Variants in LMX1A observed in about 807,000 individuals in gnomAD.
LMX1A encodes the protein LIM homeobox transcription factor 1 alpha.
Under a neutral mutation model 49.1 loss-of-function variants are expected in LMX1A, and 15 were observed. The ratio of observed to expected loss-of-function variants is 0.31; its 90% CI spans 0.20 to 0.47. The LOEUF (loss-of-function observed/expected upper bound fraction) is 0.47, where lower values mean the gene tolerates loss of function less well. Among genes scored for constraint, LMX1A ranks in the 20% least tolerant of loss-of-function variants. The pLI, the probability that LMX1A is intolerant of heterozygous loss-of-function variation, is 1.00. For synonymous variants in LMX1A, 167 were observed against 185.7 expected (o/e 0.90, Z 0.82); for missense variants, 372 against 475.8 (o/e 0.78, Z 2.03).
At chr1:165,215,846 G>T (rs968109303) in intron 4 of LMX1A, 5 of 152,202 alleles carry the variant, frequency 3.3e-5, no homozygotes, top group Non-Finnish European at 7.3e-5. Flanking sequence ...GTTATGTCAT[G>T]TTGCTGAGCC....
chr1:165,315,688 G>T (rs1655197895), intron 3 of LMX1A, among the ~76,000 whole-genome samples: 1 of 152,054 alleles, frequency 6.6e-6, no homozygotes, highest in African/African-American at 2.4e-5. Context: ...TTGAGATCTG[G>T]CCCCCTCTAC....
intron 3 of LMX1A, among the ~76,000 whole-genome samples, chr1:165,275,521 T>C (rs1053935872): frequency 3.3e-5 from 5 of 152,342 alleles, no homozygotes; most frequent in African/African-American, 9.6e-5. Context: ...CCAATATTCA[T>C]AGACCCTTCC....
intron 3 of LMX1A, among the ~76,000 whole-genome samples, chr1:165,266,567 G>A (rs1404589857): frequency 6.8e-6 from 1 of 146,266 alleles, no homozygotes; most frequent in Non-Finnish European, 1.5e-5. Context: ...CATGCTGGAT[G>A]AACTAATTTT....
At chr1:165,325,200 C>T (rs956296948) in intron 3 of LMX1A, among the ~76,000 whole-genome samples, 1 of 152,154 alleles carries the variant, frequency 6.6e-6, no homozygotes, top group Non-Finnish European at 1.5e-5. Context: ...CCATAATTCT[C>T]GTTAGAAGAT....
At chr1:165,230,045 C>T (rs556153063) in intron 4 of LMX1A, among the ~76,000 whole-genome samples, 2 of 152,248 alleles carry the variant, frequency 1.3e-5, no homozygotes, top group South Asian at 4.2e-4. Context: ...TAAAGGAACT[C>T]CAGAGAGCAT....
chr1:165,227,106 G>C (rs1179601510), intron 4 of LMX1A, among the ~76,000 whole-genome samples: 5 of 152,178 alleles, frequency 3.3e-5, no homozygotes, highest in African/African-American at 1.2e-4. Context: ...TACAGAAAGA[G>C]AATGGATTTA....
chr1:165,276,981 C>T (rs1396026306), intron 3 of LMX1A, among the ~76,000 whole-genome samples: 2 of 152,284 alleles, frequency 1.3e-5, no homozygotes, highest in East Asian at 1.9e-4. Context: ...CCATCATCAG[C>T]CAAATGCAAG....
intron 4 of LMX1A, 83 bp from the exon 5 acceptor site, chr1:165,213,896 G>T: frequency 8.1e-7 from 1 of 1,236,352 alleles, no homozygotes; most frequent in Non-Finnish European, 1.1e-6. Context: ...AGGCCTCCAG[G>T]TCCACATTTC....
intron 3 of LMX1A, among the ~76,000 whole-genome samples, chr1:165,351,857 G>T (rs1409306002): frequency 6.6e-6 from 1 of 152,190 alleles, no homozygotes; most frequent in East Asian, 1.9e-4. Flanking sequence ...CTCCCGTTCA[G>T]CCCCTCTCAC....
intron 3 of LMX1A, among the ~76,000 whole-genome samples, chr1:165,330,892 A>T (rs1655726334): frequency 6.6e-6 from 1 of 152,126 alleles, no homozygotes. Context: ...CTACACACAT[A>T]CTCCAAGTAG....
chr1:165,318,213 C>T (rs1471980130), intron 3 of LMX1A, among the ~76,000 whole-genome samples: 1 of 152,126 alleles, frequency 6.6e-6, no homozygotes, highest in African/African-American at 2.4e-5. Flanking sequence ...ATAATAACAC[C>T]ATAAAAATCA....
At chr1:165,278,355 T>C (rs1654036808) in intron 3 of LMX1A, among the ~76,000 whole-genome samples, 1 of 152,210 alleles carries the variant, frequency 6.6e-6, no homozygotes, top group Admixed American at 6.5e-5. Context: ...TGGGACGTGC[T>C]CCCGTAGCTC....
At chr1:165,268,388 G>A (rs890761440) in intron 3 of LMX1A, among the ~76,000 whole-genome samples, 5 of 152,214 alleles carry the variant, frequency 3.3e-5, no homozygotes, top group Admixed American at 6.5e-5. Flanking sequence ...GATCATGAAT[G>A]GTGAAGCAGA....
At chr1:165,350,538 ATT>A (rs11326500) in intron 3 of LMX1A, among the ~76,000 whole-genome samples, 6 of 149,924 alleles carry the variant, frequency 4.0e-5, no homozygotes, top group East Asian at 3.9e-4. Context: ...TCCTGAGCCT[ATT>A]TTTTTTTTTA....
intron 4 of LMX1A, among the ~76,000 whole-genome samples, chr1:165,246,597 T>C (rs1428366144): frequency 6.6e-6 from 1 of 152,216 alleles, no homozygotes; most frequent in Non-Finnish European, 1.5e-5. Flanking sequence ...TCCCTGTACC[T>C]TTCTATCTAA....
chr1:165,331,500 C>A (rs1655740730), intron 3 of LMX1A, among the ~76,000 whole-genome samples: 1 of 152,062 alleles, frequency 6.6e-6, no homozygotes, highest in African/African-American at 2.4e-5. Flanking sequence ...CTGTAGAATT[C>A]TAGAACTAAA....
At chr1:165,231,617 A>G (rs1392667212) in intron 4 of LMX1A, among the ~76,000 whole-genome samples, 1 of 152,180 alleles carries the variant, frequency 6.6e-6, no homozygotes, top group Non-Finnish European at 1.5e-5. Flanking sequence ...TTTTCTTTAT[A>G]CTAGAAGAGA....
At chr1:165,354,003 A>G (rs933432621) in intron 2 of LMX1A, among the ~76,000 whole-genome samples, 1 of 152,230 alleles carries the variant, frequency 6.6e-6, no homozygotes, top group Non-Finnish European at 1.5e-5. Flanking sequence ...AACGGGCCTC[A>G]AAGTGACTCA....
intron 6 of LMX1A, among the ~76,000 whole-genome samples, chr1:165,210,238 G>A (rs761077890): frequency 6.6e-6 from 1 of 152,208 alleles, no homozygotes; most frequent in Non-Finnish European, 1.5e-5. Context: ...ATTGGATCCA[G>A]AGGACAGTAT....
Sources: allele counts gnomAD v4.1 joint callset (sites outside exome capture counted in the v4.1 genomes callset), GRCh38; gene constraint gnomAD v4.1.1; transcripts MANE v1.5; gene names NCBI Gene and HGNC (gene_info 2026-07-23, HGNC 2026-07-21).